Variants in DNAI7 observed in about 807,000 individuals in gnomAD.
DNAI7 encodes dynein axonemal intermediate chain 7, also known as cancer susceptibility 1.
Under a neutral mutation model 86.6 loss-of-function variants are expected in DNAI7, and 78 were observed. The observed-to-expected ratio is 0.90, with a 90% CI of 0.75 to 1.09. DNAI7 has a LOEUF of 1.09. Among genes scored for constraint, DNAI7 ranks in the 50% least tolerant of loss-of-function variants. The pLI is 0.00. For synonymous variants in DNAI7, 274 were observed against 273.0 expected (o/e 1.00, Z -0.04); for missense variants, 753 against 810.2 (o/e 0.93, Z 0.86).
At chr12:25,113,836 T>A (rs1004782770) in intron 13 of DNAI7, among the ~76,000 whole-genome samples, 7 of 151,818 alleles carry the variant, frequency 4.6e-5, no homozygotes, top group Non-Finnish European at 1.0e-4. Flanking sequence ...TTCCTCATGC[T>A]CATTTACAGT....
intron 2 of DNAI7, among the ~76,000 whole-genome samples, chr12:25,164,170 G>A (rs1042145912): frequency 7.2e-5 from 10 of 138,724 alleles, no homozygotes; most frequent in Non-Finnish European, 9.4e-5. Context: ...AGAATCCCCC[G>A]ACCCTTCTCT....
Position 25,154,429 on chromosome 12 carries a change from T to G in DNAI7, c.328A>C (p.Ser110Arg), listed in dbSNP as rs1415145862. Residue 110 changes from serine to arginine, a missense_variant, in exon 6 of 16, where the codon AGT becomes CGT. Transcript: ENST00000395987. ...QWKHYIQCDG[S>R]PDPSVAQEMN... Reference sequence around the variant, plus strand: ...TCTTGGGCTACTGAAGGATCAGGACTCCCATCACATTGAATGTAGTGCTTC... The same window carrying G: ...TCTTGGGCTACTGAAGGATCAGGACGCCCATCACATTGAATGTAGTGCTTC... The G allele has an allele frequency of 1.2e-6, 2 of 1,609,972 alleles. No homozygotes were observed. Among genetic ancestry groups the G allele is most frequent in the Non-Finnish European group, 1.7e-6 (2 of 1,179,072 alleles).
intron 2 of DNAI7, among the ~76,000 whole-genome samples, chr12:25,189,169 G>A (rs1433987041): frequency 1.3e-5 from 2 of 152,086 alleles, no homozygotes; most frequent in Non-Finnish European, 2.9e-5. Flanking sequence ...ATGGGGTTTC[G>A]CATATTCATT....
At chr12:25,166,302 A>T (rs1947456691) in intron 2 of DNAI7, among the ~76,000 whole-genome samples, 1 of 152,068 alleles carries the variant, frequency 6.6e-6, no homozygotes, top group Non-Finnish European at 1.5e-5. Flanking sequence ...TATCAACCAA[A>T]TTGTTTTGCC....
At chr12:25,129,734 T>C (rs1233289898) in intron 9 of DNAI7, among the ~76,000 whole-genome samples, 1 of 150,366 alleles carries the variant, frequency 6.7e-6, no homozygotes. Flanking sequence ...TGTTCATTTG[T>C]TTTTATTTTG....
At chr12:25,178,835 CCA>C (rs1038558311) in intron 2 of DNAI7, among the ~76,000 whole-genome samples, 1 of 151,714 alleles carries the variant, frequency 6.6e-6, no homozygotes. Flanking sequence ...GGTTACTGAC[CCA>C]CTCTATTCTG....
At chr12:25,153,242 T>C (rs565496360) in intron 6 of DNAI7, among the ~76,000 whole-genome samples, 5 of 152,096 alleles carry the variant, frequency 3.3e-5, no homozygotes, top group Non-Finnish European at 7.4e-5. Context: ...GCCAACATGG[T>C]GAAACCTCAT....
intron 4 of DNAI7, among the ~76,000 whole-genome samples, chr12:25,155,760 C>A (rs1946082750): frequency 6.6e-6 from 1 of 152,176 alleles, no homozygotes; most frequent in South Asian, 2.1e-4. Context: ...GACAGTGACC[C>A]CAAACTGTAC....
chr12:25,162,048 T>A (rs1946889404), intron 2 of DNAI7, among the ~76,000 whole-genome samples: 1 of 152,116 alleles, frequency 6.6e-6, no homozygotes, highest in Admixed American at 6.5e-5. Context: ...TGGCAGAGTG[T>A]TTATAGAATA....
chr12:25,149,217 G>A (rs1038909269), intron 7 of DNAI7, among the ~76,000 whole-genome samples: 2 of 152,076 alleles, frequency 1.3e-5, no homozygotes, highest in African/African-American at 2.4e-5. Flanking sequence ...TAAGGTTGGT[G>A]CAAAAGTAAT....
chr12:25,150,430 C>T (rs1020725852), intron 6 of DNAI7, among the ~76,000 whole-genome samples: 2 of 151,858 alleles, frequency 1.3e-5, no homozygotes, highest in African/African-American at 2.4e-5. Context: ...CAGTGAAACC[C>T]CATCTCTACT....
intron 2 of DNAI7, 124 bp from the exon 3 acceptor site, chr12:25,161,321 T>C (rs997689203): frequency 2.5e-6 from 2 of 796,326 alleles, no homozygotes; most frequent in African/African-American, 3.4e-5. Flanking sequence ...CATGCATTCA[T>C]TCAACAAATA....
intron 11 of DNAI7, among the ~76,000 whole-genome samples, chr12:25,120,321 A>G (rs1303724798): frequency 4.8e-5 from 7 of 144,698 alleles, no homozygotes; most frequent in African/African-American, 1.2e-4. Context: ...GAAGAGGGAG[A>G]GAGAGAGAGA....
intron 9 of DNAI7, among the ~76,000 whole-genome samples, chr12:25,124,721 G>T (rs570323288): frequency 5.5e-4 from 83 of 152,062 alleles, no homozygotes; most frequent in Non-Finnish European, 8.8e-4. Flanking sequence ...TCATCACCTA[G>T]GTATGAAGCC....
intron 12 of DNAI7, 41 bp from the exon 13 acceptor site, chr12:25,114,911 T>TC: frequency 2.1e-6 from 3 of 1,455,020 alleles, no homozygotes; most frequent in Non-Finnish European, 2.8e-6. Flanking sequence ...TTTCATTTTT[T>TC]CCCTATTAAA....
chr12:25,122,464 AAAAAG>A (rs1334912120), intron 10 of DNAI7, among the ~76,000 whole-genome samples: 90 of 146,524 alleles, frequency 6.1e-4, no homozygotes, highest in Middle Eastern at 3.4e-3. Context: ...AAAAAAAAAA[AAAAAG>A]AAGGAGAAGA....
At chr12:25,160,100 T>C (rs1946665974) in intron 3 of DNAI7, among the ~76,000 whole-genome samples, 1 of 152,094 alleles carries the variant, frequency 6.6e-6, no homozygotes, top group Admixed American at 6.5e-5. Context: ...ATGCTCCTAA[T>C]TTCTTTTTTT....
At position 25,108,457 on chromosome 12, in the gene DNAI7, T is replaced by C; in HGVS notation, c.*91A>G. On this transcript the variant is annotated 3_prime_UTR_variant, in exon 16 of 16. Coordinates refer to ENST00000395987, the MANE Select transcript of DNAI7 (RefSeq NM_018272.5). ...AATTTTTAATAGTTGATTTGAAATG[T>C]ATTCATTCACTCATTACATTGTGTT... The C allele has an allele frequency of 9.4e-7, 1 of 1,058,730 alleles. No homozygotes were observed. Among genetic ancestry groups the C allele is most frequent in the Non-Finnish European group, 1.3e-6 (1 of 754,478 alleles). The allele number at this position is 1,058,730 out of a possible 1,614,324, so 65.6% of individuals were successfully genotyped here. A position where few individuals can be genotyped will look rare whatever the true frequency, so the allele number is the denominator to read the frequency against.
intron 9 of DNAI7, among the ~76,000 whole-genome samples, chr12:25,137,082 G>A (rs1020653921): frequency 2.6e-5 from 4 of 152,132 alleles, no homozygotes; most frequent in African/African-American, 7.2e-5. Context: ...GAAATTTATC[G>A]TAAAAAGATA....
Sources: allele counts gnomAD v4.1 joint callset (sites outside exome capture counted in the v4.1 genomes callset), GRCh38; gene constraint gnomAD v4.1.1; transcripts MANE v1.5; gene names NCBI Gene and HGNC (gene_info 2026-07-23, HGNC 2026-07-21).